Variants in TCF12 observed in about 807,000 individuals in gnomAD.
TCF12 encodes transcription factor 12.
A neutral mutation model predicts 86.0 loss-of-function variants in TCF12; 45 were observed. That is an observed-to-expected ratio of 0.52 (90% CI 0.41 to 0.67). The LOEUF is 0.67. Among genes scored for constraint, TCF12 ranks in the 30% least tolerant of loss-of-function variants. TCF12 has a pLI of 0.00. For missense variants in TCF12, 881 were observed against 859.9 expected, an observed-to-expected ratio of 1.02 and a Z score of -0.31; for synonymous variants, 330 against 299.6, an observed-to-expected ratio of 1.10 and a Z score of -1.05.
chr15:57,054,880 A>C (rs2067890024), intron 3 of TCF12, among the ~76,000 whole-genome samples: 2 of 145,790 alleles, frequency 1.4e-5, no homozygotes, highest in South Asian at 4.3e-4. Flanking sequence ...GCCACTTCAC[A>C]TAAAAGGCAG....
At chr15:57,149,258 T>C (rs969010135) in intron 5 of TCF12, among the ~76,000 whole-genome samples, 8 of 152,114 alleles carry the variant, frequency 5.3e-5, no homozygotes, top group African/African-American at 1.7e-4. Context: ...ATTTAGAGTA[T>C]ATGTATGTGG....
Position 56,950,745 on chromosome 15 carries a change from G to GTTTT in TCF12, c.148+29672_148+29675dup, listed in dbSNP as rs71113040. Among the ~76,000 whole-genome samples the GTTTT allele has an allele frequency of 1.6e-4, 14 of 85,898 alleles. 2 individuals are homozygous for GTTTT. The highest frequency in any genetic ancestry group is 2.5e-4 in the Non-Finnish European group (12 of 48,430). 56.4% of individuals were successfully genotyped at this position (85,898 alleles called of 152,430 possible). On this transcript the variant is annotated intron_variant, in intron 3 of 20. Transcript: ENST00000333725. ...TTACAAATAAAGCTATTATGACCAT[G>GTTTT]TTTTTTTTTTTTTTTTTTTTTTTTT...
At chr15:57,113,570 T>C (rs1456321522) in intron 5 of TCF12, among the ~76,000 whole-genome samples, 1 of 152,050 alleles carries the variant, frequency 6.6e-6, no homozygotes. Context: ...TTAATGCTCA[T>C]TTCCTAACAT....
chr15:56,977,460 C>G lies in TCF12; in HGVS notation c.148+56362C>G, dbSNP rs548716210. ...AGACAGAGGTTGAGGTCTCAGTGAG[C>G]TAGAGGTTGCTGTGAGCCAAGATCA... is the stretch of plus-strand genomic sequence containing the variant. On this transcript the variant is annotated intron_variant, in intron 3 of 20. Transcript: ENST00000333725. 3.3e-5 allele frequency among the ~76,000 whole-genome samples: 5 copies of G among 152,136 alleles called. No homozygotes were observed. The East Asian group carries it at 7.8e-4, about 24-fold the overall frequency.
chr15:57,173,758 A>T (rs575813402), intron 6 of TCF12, among the ~76,000 whole-genome samples: 12 of 150,122 alleles, frequency 8.0e-5, no homozygotes, highest in African/African-American at 2.7e-4. Context: ...CCCATGCTGG[A>T]GTGAAGTGGT....
chr15:56,924,626 A>G (rs141578998), intron 3 of TCF12, among the ~76,000 whole-genome samples: 1 of 152,236 alleles, frequency 6.6e-6, no homozygotes, highest in Non-Finnish European at 1.5e-5. Flanking sequence ...TATAATTTGT[A>G]GTAAATACAT....
rs1284894286 is a variant in TCF12 at position 57,251,525 on chromosome 15, A to G, written c.1188+102A>G. ...AAGAAACAGTAGGCTAGCATTGCACATGAATTCTTTGCTAACAAATGGCTG... is the reference window on the plus strand; with the variant it reads ...AAGAAACAGTAGGCTAGCATTGCACGTGAATTCTTTGCTAACAAATGGCTG... On this transcript the variant is annotated intron_variant, in intron 14 of 20. Transcript: ENST00000333725. 1.4e-5 allele frequency: 16 copies of G among 1,117,246 alleles called. No homozygotes were observed. In the Admixed American group the frequency reaches 3.3e-4, roughly 23 times the overall value. The allele number at this position is 1,117,246 out of a possible 1,614,324, so 69.2% of individuals were successfully genotyped here.
intron 3 of TCF12, among the ~76,000 whole-genome samples, chr15:57,027,717 CTG>C (rs2065904016): frequency 6.6e-6 from 1 of 152,138 alleles, no homozygotes; most frequent in Admixed American, 6.6e-5. Context: ...TCATCTTGAA[CTG>C]TAGCTCCCAT....
intron 5 of TCF12, among the ~76,000 whole-genome samples, chr15:57,159,242 C>T (rs528675855): frequency 6.6e-5 from 10 of 152,250 alleles, no homozygotes; most frequent in East Asian, 1.9e-4. Context: ...TCAATGAGAG[C>T]GAAGCAAGAG....
chr15:56,979,455 C>T (rs1429362843), intron 3 of TCF12, among the ~76,000 whole-genome samples: 2 of 152,002 alleles, frequency 1.3e-5, no homozygotes, highest in African/African-American at 2.4e-5. Flanking sequence ...CCATGCATTC[C>T]TGAGAGATGG....
intron 5 of TCF12, among the ~76,000 whole-genome samples, chr15:57,163,290 T>C (rs1466701424): frequency 6.6e-6 from 1 of 152,196 alleles, no homozygotes; most frequent in Non-Finnish European, 1.5e-5. Flanking sequence ...ACCTTAGAAA[T>C]AGACTAGTAT....
intron 4 of TCF12, among the ~76,000 whole-genome samples, chr15:57,090,250 G>A (rs1429028314): frequency 6.6e-6 from 1 of 151,894 alleles, no homozygotes; most frequent in African/African-American, 2.4e-5. Flanking sequence ...CAAAAAAATG[G>A]TAAGCTCTGT....
intron 6 of TCF12, among the ~76,000 whole-genome samples, chr15:57,190,555 C>T (rs148328064): frequency 2.4e-4 from 37 of 152,182 alleles, no homozygotes; most frequent in African/African-American, 8.9e-4. Context: ...ATTCAACCCC[C>T]CTTCCTTTTG....
At chr15:57,285,247 C>G (rs1007126207) in intron 20 of TCF12, among the ~76,000 whole-genome samples, 1 of 152,258 alleles carries the variant, frequency 6.6e-6, no homozygotes, top group East Asian at 1.9e-4. Flanking sequence ...CTTTGAATAT[C>G]TTAGTTTTCC....
intron 6 of TCF12, among the ~76,000 whole-genome samples, chr15:57,177,043 C>A (rs1182209087): frequency 6.6e-6 from 1 of 152,012 alleles, no homozygotes; most frequent in Admixed American, 6.6e-5. Context: ...CATAAGGTAG[C>A]ATGTGAAAGG....
chr15:57,085,338 G>T (rs59854182), intron 4 of TCF12, among the ~76,000 whole-genome samples: 2 of 152,158 alleles, frequency 1.3e-5, no homozygotes, highest in Non-Finnish European at 2.9e-5. Flanking sequence ...ACCTGTTAAA[G>T]GATATCAGAA....
chr15:57,025,053 G>C (rs1484440046), intron 3 of TCF12, among the ~76,000 whole-genome samples: 1 of 151,646 alleles, frequency 6.6e-6, no homozygotes, highest in East Asian at 1.9e-4. Flanking sequence ...CTAGTCCTAT[G>C]TGATTTATAA....
At chr15:57,206,017 T>C (rs2057791508) in intron 8 of TCF12, among the ~76,000 whole-genome samples, 1 of 151,778 alleles carries the variant, frequency 6.6e-6, no homozygotes, top group Non-Finnish European at 1.5e-5. Flanking sequence ...CTTTTAAGGT[T>C]TATTGAACTC....
At position 57,231,206 on chromosome 15, in the gene TCF12, C is replaced by G. The variant is rs2038385093; in HGVS notation, c.634C>G (p.Pro212Ala). 6.2e-7 allele frequency: 1 copy of G among 1,613,266 alleles called. No individual in the cohort carries two copies. Among genetic ancestry groups the G allele is most frequent in the Non-Finnish European group, 8.5e-7 (1 of 1,179,394 alleles). The change falls in exon 9 of 21, where the codon CCA becomes GCA. Residue 212 changes from proline (P) to alanine (A), a missense_variant. Physicochemically the swap from Pro to Ala is conservative, Grantham distance 27. Coordinates refer to ENST00000333725, the MANE Select transcript of TCF12 (RefSeq NM_207037.2). The stretch of plus-strand genomic sequence containing the variant: ...TTTCAACCGTGAATCTCCTAGTTAT[C>G]CATCTCCTAAGCCACCAACCAGTAT... Reference protein sequence around the residue: ...DDFNRESPSYPSPKPPTSMFA... With the variant: ...DDFNRESPSYASPKPPTSMFA...
Sources: gnomAD v4.1 joint callset for allele counts (sites outside exome capture counted in the v4.1 genomes callset) on GRCh38, gnomAD v4.1.1 for gene constraint, MANE v1.5 for transcripts, NCBI Gene and HGNC (gene_info 2026-07-23, HGNC 2026-07-21) for gene names.